Variants in UNC13C observed in about 807,000 individuals in gnomAD.
UNC13C encodes protein unc-13 homolog C.
A neutral mutation model predicts 245.4 loss-of-function variants in UNC13C; 174 were observed. The ratio of observed to expected loss-of-function variants is 0.71; its 90% CI spans 0.63 to 0.80. UNC13C has a LOEUF of 0.80. Among genes scored for constraint, UNC13C ranks in the 30% least tolerant of loss-of-function variants. The pLI is 0.00. For missense variants in UNC13C, 2,829 were observed against 2,602.9 expected, an observed-to-expected ratio of 1.09 and a Z score of -1.89; for synonymous variants, 992 against 895.1, an observed-to-expected ratio of 1.11 and a Z score of -1.93.
At chr15:54,493,625 A>G (rs904624296) in intron 19 of UNC13C, among the ~76,000 whole-genome samples, 3 of 152,222 alleles carry the variant, frequency 2.0e-5, no homozygotes, top group African/African-American at 7.2e-5. Context: ...AAAGTATAGG[A>G]TGTTTCTGCT....
Position 54,396,391 on chromosome 15 carries a change from A to T in UNC13C, c.4847+3210A>T, listed in dbSNP as rs556711992. Among the ~76,000 whole-genome samples, 4 of 151,702 alleles carry T rather than the reference A, an allele frequency of 2.6e-5. No homozygotes were observed. The South Asian group carries it at 8.3e-4, about 31-fold the overall frequency. ...TGTCTGGCTGCTTTTATTCATTACA[A>T]CTATTTTGAGTTTCACCCATGTTAT... On this transcript the variant is annotated intron_variant, in intron 18 of 32. Transcript: ENST00000260323.
chr15:54,048,744 A>G, intron 2 of UNC13C: 1 of 282,120 alleles, frequency 3.5e-6, no homozygotes, highest in South Asian at 4.3e-5. Context: ...AGGGAGAATA[A>G]CAGGATATGG....
chr15:54,383,572 G>GGAGA (rs2039773723), intron 17 of UNC13C, among the ~76,000 whole-genome samples: 1 of 152,016 alleles, frequency 6.6e-6, no homozygotes, highest in South Asian at 2.1e-4. Flanking sequence ...TACTGAAGGG[G>GGAGA]GAGATTTGAA....
the UNC13C span, among the ~76,000 whole-genome samples, chr15:53,856,087 A>G: frequency 6.6e-6 from 1 of 152,098 alleles, no homozygotes; most frequent in Non-Finnish European, 1.5e-5. Flanking sequence ...TAGAGATGTT[A>G]TAGTGTTCTC....
intron 20 of UNC13C, among the ~76,000 whole-genome samples, chr15:54,498,702 T>C (rs960955120): frequency 6.6e-6 from 1 of 152,102 alleles, no homozygotes. Flanking sequence ...ATGAACGGCG[T>C]ACAAGCCATG....
the UNC13C span, among the ~76,000 whole-genome samples, chr15:53,965,528 C>CT: frequency 1.4e-5 from 2 of 146,810 alleles, no homozygotes; most frequent in Admixed American, 6.7e-5. Context: ...AGTGCACTTT[C>CT]TTTTTTTTCC....
intron 22 of UNC13C, among the ~76,000 whole-genome samples, chr15:54,504,628 C>G (rs191713789): frequency 5.3e-5 from 8 of 152,294 alleles, no homozygotes; most frequent in African/African-American, 1.7e-4. Flanking sequence ...GAGACCCTAT[C>G]TTATGTTGGA....
intron 2 of UNC13C, among the ~76,000 whole-genome samples, chr15:54,038,237 C>T (rs1033719345): frequency 1.1e-4 from 16 of 149,844 alleles, no homozygotes; most frequent in Admixed American, 1.3e-4. Context: ...ATTCTCATAC[C>T]TTAGCCTCCT....
At chr15:54,587,230 T>C (rs1898541150) in intron 30 of UNC13C, among the ~76,000 whole-genome samples, 1 of 152,062 alleles carries the variant, frequency 6.6e-6, no homozygotes, top group African/African-American at 2.4e-5. Context: ...AACTTAGATT[T>C]CAATTTCAAA....
chr15:54,303,441 T>C (rs968516248), intron 13 of UNC13C, among the ~76,000 whole-genome samples: 8 of 152,048 alleles, frequency 5.3e-5, no homozygotes, highest in Non-Finnish European at 1.2e-4. Flanking sequence ...CTCTGGGAGC[T>C]GATGTTAGAT....
At position 54,476,441 on chromosome 15, in the gene UNC13C, G is replaced by A. The variant is rs890466284; in HGVS notation, c.4934-18167G>A. Among the ~76,000 whole-genome samples the A allele has an allele frequency of 3.7e-4, 55 of 150,602 alleles. 1 individual carries two copies. The highest frequency in any genetic ancestry group is 5.8e-4 in the Non-Finnish European group (39 of 67,768). ...TTCTTCTAGGGTTTTTATGGTTTTAGGTCTAACGTTTAAGTCTTTAATCTA... is the reference window on the plus strand; with the variant it reads ...TTCTTCTAGGGTTTTTATGGTTTTAAGTCTAACGTTTAAGTCTTTAATCTA... On this transcript the variant is annotated intron_variant, in intron 19 of 32. Coordinates refer to ENST00000260323, the MANE Select transcript of UNC13C (RefSeq NM_001080534.3).
At chr15:54,365,460 A>G (rs1430434583) in intron 17 of UNC13C, among the ~76,000 whole-genome samples, 1 of 152,162 alleles carries the variant, frequency 6.6e-6, no homozygotes, top group Non-Finnish European at 1.5e-5. Context: ...AAATTTGGGG[A>G]TAAATATACA....
rs182281343 is a variant in UNC13C at position 54,572,879 on chromosome 15, G to A, written c.6106+4932G>A. 2.4e-3 allele frequency among the ~76,000 whole-genome samples: 367 copies of A among 152,124 alleles called. 3 individuals are homozygous for A. The highest frequency in any genetic ancestry group is 8.0e-3 in the African/African-American group (333 of 41,530). ...TAAGTGCACTTTTAAAAGCATTTGT[G>A]TTTTACTTTTCTTATTCTCATATAA... On this transcript the variant is annotated intron_variant, in intron 30 of 32. Transcript: ENST00000260323.
rs145933364 is a variant in UNC13C at position 54,443,331 on chromosome 15, T to C, written c.4933+28264T>C. 3.9e-5 allele frequency among the ~76,000 whole-genome samples: 6 copies of C among 152,218 alleles called. No individual in the cohort carries two copies. The East Asian group carries it at 1.2e-3, about 29-fold the overall frequency. Reference sequence around the variant, plus strand: ...TTCTTGGTTCATCAAGCTAATGGTTTATCAATTTTATCTTTTCAAAAATCC... The same window carrying C: ...TTCTTGGTTCATCAAGCTAATGGTTCATCAATTTTATCTTTTCAAAAATCC... On this transcript the variant is annotated intron_variant, in intron 19 of 32. Transcript: ENST00000260323.
the UNC13C span, among the ~76,000 whole-genome samples, chr15:53,946,918 T>G: frequency 1.3e-5 from 2 of 152,196 alleles, no homozygotes; most frequent in South Asian, 4.1e-4. Context: ...TGAGGATTTT[T>G]GCATTAATGT....
chr15:53,934,738 G>A, the UNC13C span, among the ~76,000 whole-genome samples: 1 of 152,116 alleles, frequency 6.6e-6, no homozygotes, highest in South Asian at 2.1e-4. Context: ...GCAAGGCACC[G>A]ACACAGTCAG....
chr15:54,151,273 A>G (rs909094165), intron 4 of UNC13C, among the ~76,000 whole-genome samples: 9 of 152,188 alleles, frequency 5.9e-5, no homozygotes, highest in African/African-American at 1.4e-4. Context: ...GACCATAAAA[A>G]AGTTATTCCC....
intron 2 of UNC13C, among the ~76,000 whole-genome samples, chr15:54,091,043 A>G (rs1416921246): frequency 8.0e-6 from 1 of 125,184 alleles, no homozygotes; most frequent in Non-Finnish European, 1.6e-5. Context: ...TAAGTCACAT[A>G]CCTTCCACAG....
At chr15:54,111,843 C>T (rs1900791328) in intron 2 of UNC13C, among the ~76,000 whole-genome samples, 1 of 152,016 alleles carries the variant, frequency 6.6e-6, no homozygotes, top group Non-Finnish European at 1.5e-5. Flanking sequence ...CTGCCCTTCC[C>T]CAAAAGGTGG....
Sources: gnomAD v4.1 joint callset for allele counts (sites outside exome capture counted in the v4.1 genomes callset) on GRCh38, gnomAD v4.1.1 for gene constraint, MANE v1.5 for transcripts, NCBI Gene and HGNC (gene_info 2026-07-23, HGNC 2026-07-21) for gene names.